RAD18: variants seen among roughly 807,000 people sequenced by gnomAD.
RAD18 encodes E3 ubiquitin-protein ligase RAD18.
A neutral mutation model predicts 60.4 loss-of-function variants in RAD18; 47 were observed. The observed-to-expected ratio is 0.78, with a 90% confidence interval of 0.62 to 0.99. The LOEUF is 0.99. Ranked by LOEUF, RAD18 falls within the 50% of genes least tolerant of loss-of-function variation. RAD18 has a pLI of 0.00. For missense variants in RAD18, 640 were observed against 593.3 expected (o/e 1.08, Z -0.82); for synonymous variants, 225 against 195.5 (o/e 1.15, Z -1.26).
chr3:8,901,917 T>TA (rs1459294197), intron 10 of RAD18, among the ~76,000 whole-genome samples: 26 of 152,218 alleles, frequency 1.7e-4, no homozygotes, highest in African/African-American at 5.3e-4. Flanking sequence ...GCAATAGAAT[T>TA]AAAATATCAA....
In RAD18 at chr3:8,881,443, T is replaced by A. The variant is rs1349191187; in HGVS notation, c.1402A>T (p.Thr468Ser). Residue 468 changes from threonine (T) to serine (S), a missense_variant, in exon 13 of 13, where the codon ACA becomes TCA. Coordinates refer to ENST00000264926, the MANE Select transcript of RAD18 (RefSeq NM_020165.4). ...CGATTCTGTCTTGGACTTATTTCTG[T>A]GTCTTGAAGATCGTTTCTGAAGACA... ...EASHKNDLQDTEISPRQNRRT... is the reference protein window; with the variant it reads ...EASHKNDLQDSEISPRQNRRT... 6.2e-7 allele frequency: 1 copy of A among 1,609,868 alleles called. No homozygotes were observed. Among genetic ancestry groups the A allele is most frequent in the African/African-American group, 1.3e-5 (1 of 74,972 alleles).
chr3:8,928,049 T>TGA lies in RAD18; in HGVS notation c.889+7821_889+7822insTC, dbSNP rs1443978506. ...CGTTGTGCACATGTACCCTAAAACTTAAAAAAAAAAAAAAAAAAGAATGAA... is the reference window on the plus strand; with the variant it reads ...CGTTGTGCACATGTACCCTAAAACTTGAAAAAAAAAAAAAAAAAAAGAATGAA... On this transcript the variant is annotated intron_variant, in intron 7 of 12. Transcript: ENST00000264926. Among the ~76,000 whole-genome samples, 411 of 121,730 alleles carry TGA rather than the reference T, an allele frequency of 3.4e-3. 5 individuals carry two copies. The highest frequency in any genetic ancestry group is 0.011 in the African/African-American group (378 of 35,424). 79.9% of individuals were successfully genotyped at this position (121,730 alleles called of 152,430 possible). A position where few individuals can be genotyped will look rare whatever the true frequency, so the allele number is the denominator to read the frequency against.
At chr3:8,882,831 T>A (rs1012912609) in intron 12 of RAD18, among the ~76,000 whole-genome samples, 2 of 152,192 alleles carry the variant, frequency 1.3e-5, no homozygotes. Context: ...CAACTCTGAA[T>A]TACCCAGCTC....
At chr3:8,908,375 G>A (rs1448967323) in intron 9 of RAD18, among the ~76,000 whole-genome samples, 7 of 151,820 alleles carry the variant, frequency 4.6e-5, no homozygotes, top group Non-Finnish European at 4.4e-5. Context: ...TCATTAGGAT[G>A]AGCCCTAATC....
chr3:8,890,104 G>C (rs983092442), intron 12 of RAD18: 1 of 397,280 alleles, frequency 2.5e-6, no homozygotes, highest in Non-Finnish European at 4.7e-6. Context: ...TTCTCAGGAC[G>C]TATCCCCATT....
chr3:8,913,920 T>C (rs988281045), intron 7 of RAD18, among the ~76,000 whole-genome samples, 200 bp from the exon 8 acceptor site: 1 of 152,186 alleles, frequency 6.6e-6, no homozygotes, highest in Admixed American at 6.5e-5. Context: ...GTTAAAACAC[T>C]GAACTCTTAC....
At chr3:8,902,553 G>C in intron 9 of RAD18, 33 bp from the exon 10 acceptor site, 1 of 1,566,574 alleles carries the variant, frequency 6.4e-7, no homozygotes, top group South Asian at 1.2e-5. Flanking sequence ...AGTAAAGCTA[G>C]GACTATGAAA....
At chr3:8,927,366 T>A (rs1161825) in intron 7 of RAD18, among the ~76,000 whole-genome samples, 82,179 of 151,934 alleles carry the variant, frequency 0.54, 26,175 homozygotes, top group Middle Eastern at 0.71. Flanking sequence ...TGAGATACCA[T>A]CTCACACCAG....
At position 8,913,645 on chromosome 3, in the gene RAD18, C is replaced by A; in HGVS notation, c.965G>T (p.Ser322Ile). The A allele has an allele frequency of 6.5e-7, 1 of 1,548,430 alleles. No homozygotes were observed. Among genetic ancestry groups the A allele is most frequent in the Non-Finnish European group, 8.8e-7 (1 of 1,142,062 alleles). ...MRLEASKLNE[S>I]VMVFTKDQTE... ...TACTGAAATAGCCCATTAACATACA[C>A]TTTCATTGAGTTTACTAGCTTCAAG... Residue 322 changes from serine (S) to isoleucine (I), a missense_variant and splice_region_variant, in exon 8 of 13, where the codon AGT becomes ATT. Transcript: ENST00000264926.
chr3:8,935,850 C>T (rs1193802843), intron 7 of RAD18, 21 bp downstream of exon 7: 3 of 1,517,722 alleles, frequency 2.0e-6, no homozygotes, highest in African/African-American at 2.8e-5. Flanking sequence ...GTAAGCATAA[C>T]TCACTGTTTT....
intron 5 of RAD18, among the ~76,000 whole-genome samples, chr3:8,941,133 G>A (rs1574822499): frequency 6.6e-6 from 1 of 152,300 alleles, no homozygotes; most frequent in East Asian, 1.9e-4. Flanking sequence ...TCAAGTGGTG[G>A]TAAAATAAGA....
chr3:8,942,137 C>T (rs381604), intron 4 of RAD18, among the ~76,000 whole-genome samples: 126,727 of 152,130 alleles, frequency 0.83, 53,030 homozygotes, highest in South Asian at 0.9. Flanking sequence ...AAATCTCACA[C>T]TGAAATGTGA....
At chr3:8,917,957 C>T (rs1033800739) in intron 7 of RAD18, among the ~76,000 whole-genome samples, 1 of 151,914 alleles carries the variant, frequency 6.6e-6, no homozygotes, top group African/African-American at 2.4e-5. Flanking sequence ...TGAAAAGAAA[C>T]CTGGAGGAGC....
At chr3:8,928,124 G>C (rs1940479300) in intron 7 of RAD18, among the ~76,000 whole-genome samples, 2 of 149,674 alleles carry the variant, frequency 1.3e-5, no homozygotes, top group Middle Eastern at 7.1e-3. Flanking sequence ...ATTCATTGAA[G>C]GTAGACTGAG....
At chr3:8,945,448 A>AATG (rs1940823198) in intron 4 of RAD18, among the ~76,000 whole-genome samples, 1 of 148,912 alleles carries the variant, frequency 6.7e-6, no homozygotes, top group Admixed American at 6.7e-5. Flanking sequence ...GGCCTAGGCT[A>AATG]ATGTGTGTGT....
chr3:8,907,357 T>C (rs540097959), intron 9 of RAD18, among the ~76,000 whole-genome samples: 20 of 152,356 alleles, frequency 1.3e-4, no homozygotes, highest in Admixed American at 5.9e-4. Flanking sequence ...TAAGTTTTAA[T>C]TGATAATGTG....
chr3:8,963,411 C>G lies in RAD18; in HGVS notation c.-26G>C, dbSNP rs374677027. The stretch of plus-strand genomic sequence containing the variant: ...GGTCGCTCCCGAGGATGCTGGGGGT[C>G]AGCCACCCACTAGCCTCCGGCGCTC... On this transcript the variant is annotated 5_prime_UTR_variant, in exon 1 of 13. Transcript: ENST00000264926. The G allele has an allele frequency of 5.7e-6, 9 of 1,569,854 alleles. No individual in the cohort carries two copies. The highest frequency in any genetic ancestry group is 5.2e-6 in the Non-Finnish European group (6 of 1,154,642).
At chr3:8,926,464 A>T (rs963721695) in intron 7 of RAD18, among the ~76,000 whole-genome samples, 2 of 152,206 alleles carry the variant, frequency 1.3e-5, no homozygotes, top group African/African-American at 4.8e-5. Context: ...AATCAATATC[A>T]TGAAAATGGC....
chr3:8,958,966 G>A lies in RAD18; in HGVS notation c.87C>T (p.Phe29=), dbSNP rs761527343. The A allele has an allele frequency of 1.4e-5, 22 of 1,613,478 alleles. No homozygotes were observed. The highest frequency in any genetic ancestry group is 2.7e-5 in the African/African-American group (2 of 74,826). ...TTATCATTGCAATGTTGAAATACTC[G>A]AAGCAAATTCCACACCGCAGCAAAT... The part of the protein sequence containing the change: ...IDDLLRCGIC[F]EYFNIAMIIP... Residue 29 remains phenylalanine, a synonymous_variant, in exon 2 of 13, where the codon TTC becomes TTT. Coordinates refer to ENST00000264926, the MANE Select transcript of RAD18 (RefSeq NM_020165.4).
Sources: gnomAD v4.1 joint callset for allele counts (sites outside exome capture counted in the v4.1 genomes callset) on GRCh38, gnomAD v4.1.1 for gene constraint, MANE v1.5 for transcripts, NCBI Gene and HGNC (gene_info 2026-07-23, HGNC 2026-07-21) for gene names.